ATP1A3: variants seen among roughly 807,000 people sequenced by gnomAD.
The protein encoded by ATP1A3 is sodium/potassium-transporting ATPase subunit alpha-3.
Under a neutral mutation model 108.8 loss-of-function variants are expected in ATP1A3, and 12 were observed. The observed-to-expected ratio is 0.11, with a 90% CI of 0.07 to 0.18. The LOEUF is 0.18. ATP1A3 is among the 10% of genes least tolerant of loss of function. The pLI is 1.00. For synonymous variants in ATP1A3, 539 were observed against 564.5 expected, an observed-to-expected ratio of 0.95 and a Z score of 0.64; for missense variants, 498 against 1,387.7, an observed-to-expected ratio of 0.36 and a Z score of 10.19.
At chr19:41,970,955 C>G (rs2075101414) in intron 16 of ATP1A3, among the ~76,000 whole-genome samples, 1 of 150,466 alleles carries the variant, frequency 6.6e-6, no homozygotes, top group African/African-American at 2.4e-5. Context: ...TTTCTACCCC[C>G]CAGCCCACCC....
intron 15 of ATP1A3, 114 bp from the exon 16 acceptor site, chr19:41,975,911 G>C (rs1555860946): frequency 7.1e-7 from 1 of 1,408,778 alleles, no homozygotes; most frequent in Non-Finnish European, 1.0e-6. Context: ...AGAAGTTCAG[G>C]TCCCCAACCT....
chr19:41,969,906 C>T (rs781907148), intron 18 of ATP1A3, among the ~76,000 whole-genome samples: 6 of 152,214 alleles, frequency 3.9e-5, no homozygotes, highest in Non-Finnish European at 1.5e-5. Flanking sequence ...CAGGAATGAC[C>T]TCCCTGGGCC....
Position 41,987,995 on chromosome 19 carries a change from G to A in ATP1A3, c.298C>T (p.Leu100Phe). 6.2e-7 allele frequency: 1 copy of A among 1,614,154 alleles called. No homozygotes were observed. The highest frequency in any genetic ancestry group is 8.5e-7 in the Non-Finnish European group (1 of 1,180,044). Residue 100 changes from leucine to phenylalanine, a missense_variant, in exon 4 of 23, where the codon CTC (leucine) becomes TTC (phenylalanine). Physicochemically the swap from Leu to Phe is conservative, Grantham distance 22. This residue lies in a region of ATP1A3 where 127 missense variants were observed against 464.0 expected (regional missense o/e 0.27). Coordinates refer to ENST00000648268, the MANE Select transcript of ATP1A3 (RefSeq NM_152296.5). ...TGGATACCGTAGGCCAGGAAGCAGA[G>A]GATAGCCCCGATCCACAGCAGGATG... Reference protein sequence around the residue: ...FSILLWIGAILCFLAYGIQAG... With the variant: ...FSILLWIGAIFCFLAYGIQAG...
In ATP1A3 at chr19:41,970,551, C is replaced by T. The variant is rs1762668747; in HGVS notation, c.2264-9G>A. ...GTCGAAGATCAGGCGGCCTGTGGCA[C>T]AGGCAGGCTCAGAGCAGGCGCCCAT... On this transcript the variant is annotated splice_polypyrimidine_tract_variant and intron_variant, in intron 16 of 22. Coordinates refer to ENST00000648268, the MANE Select transcript of ATP1A3 (RefSeq NM_152296.5). 1 of 1,611,792 alleles carries T rather than the reference C, an allele frequency of 6.2e-7. No individual in the cohort carries two copies. The highest frequency in any genetic ancestry group is 1.3e-5 in the African/African-American group (1 of 74,764).
In ATP1A3 at chr19:41,967,840, G is replaced by T; in HGVS notation, c.2820-77C>A. ...TGCCACCCCGCAGAGACAGGGGGAGGCACAGTGCAGACACCCAGAGACAGC... is the reference window on the plus strand; with the variant it reads ...TGCCACCCCGCAGAGACAGGGGGAGTCACAGTGCAGACACCCAGAGACAGC... On this transcript the variant is annotated intron_variant, in intron 20 of 22. Transcript: ENST00000648268. The surrounding 1 kb of genome is among the most constrained non-coding windows in gnomAD (Gnocchi z 4.2). The T allele has an allele frequency of 7.8e-7, 1 of 1,277,992 alleles. No individual in the cohort carries two copies. The highest frequency in any genetic ancestry group is 1.1e-6 in the Non-Finnish European group (1 of 889,184). 79.2% of individuals were successfully genotyped at this position (1,277,992 alleles called of 1,614,324 possible).
In ATP1A3 at chr19:41,985,377, G is replaced by C; in HGVS notation, c.653C>G (p.Ser218Cys). Residue 218 changes from serine (S) to cysteine (C), a missense_variant, in exon 7 of 23, where the codon TCT becomes TGT. Physicochemically the swap from Ser to Cys is moderately radical, Grantham distance 112. Around this residue, in one of 9 missense-constraint regions of ATP1A3, gnomAD observed 127 missense variants for 464.0 expected, o/e 0.27. Coordinates refer to ENST00000648268, the MANE Select transcript of ATP1A3 (RefSeq NM_152296.5). The surrounding 1 kb of genome is among the most constrained non-coding windows in gnomAD (Gnocchi z 8.2). Reference protein sequence around the residue: ...LTGESEPQTRSPDCTHDNPLE... With the variant: ...LTGESEPQTRCPDCTHDNPLE... Reference sequence around the variant, plus strand: ...GGGGTTGTCGTGAGTGCAGTCGGGAGAGCGAGTCTGGGGCTCGGATTCGCC... The same window carrying C: ...GGGGTTGTCGTGAGTGCAGTCGGGACAGCGAGTCTGGGGCTCGGATTCGCC... 6.2e-7 allele frequency: 1 copy of C among 1,614,112 alleles called. No homozygotes were observed. The highest frequency in any genetic ancestry group is 8.5e-7 in the Non-Finnish European group (1 of 1,179,974).
At chr19:41,993,580 GAGAAAGA>G in intron 1 of ATP1A3, 1 of 1,145,682 alleles carries the variant, frequency 8.7e-7, no homozygotes, top group Non-Finnish European at 1.2e-6. Context: ...GGCCTGGAAG[GAGAAAGA>G]GAGGTCATCT....
chr19:41,985,787 G>T lies in ATP1A3; in HGVS notation c.606+77C>A. 1 of 1,591,770 alleles carries T rather than the reference G, an allele frequency of 6.3e-7. No individual in the cohort carries two copies. Among genetic ancestry groups the T allele is most frequent in the Non-Finnish European group, 8.5e-7 (1 of 1,170,182 alleles). The stretch of plus-strand genomic sequence containing the variant: ...GGGGTTGGGACCTGGACTCCTGAGT[G>T]TGAGGGAGGAGGGGCTGGGCCTGAG... On this transcript the variant is annotated intron_variant, in intron 6 of 22. Transcript: ENST00000648268. This position sits in a 1 kb window ranked among gnomAD's most constrained non-coding sequence, Gnocchi z 8.2.
intron 8 of ATP1A3, 53 bp from the exon 9 acceptor site, chr19:41,982,159 T>A: frequency 6.2e-7 from 1 of 1,612,638 alleles, no homozygotes; most frequent in Non-Finnish European, 8.5e-7. Flanking sequence ...GGCAGCAGGG[T>A]TGGATGAGCG....
Position 41,988,628 on chromosome 19 carries a change from G to C in ATP1A3, c.7-66C>G. 6.2e-7 allele frequency: 1 copy of C among 1,612,844 alleles called. No individual in the cohort carries two copies. Among genetic ancestry groups the C allele is most frequent in the Non-Finnish European group, 8.5e-7 (1 of 1,179,788 alleles). ...TGCGGGCGAGAAGGGGTTCCAGGAGGACACCGGCCCTCCATGCCCCAGCTA... is the reference window on the plus strand; with the variant it reads ...TGCGGGCGAGAAGGGGTTCCAGGAGCACACCGGCCCTCCATGCCCCAGCTA... On this transcript the variant is annotated intron_variant, in intron 1 of 22. Coordinates refer to ENST00000648268, the MANE Select transcript of ATP1A3 (RefSeq NM_152296.5). The surrounding 1 kb of genome is among the most constrained non-coding windows in gnomAD (Gnocchi z 5.3).
rs1458106687 is a variant in ATP1A3, at chr19:41,978,956, CTCTG to C, written c.1438-162_1438-159del. On this transcript the variant is annotated intron_variant, in intron 11 of 22. Coordinates refer to ENST00000648268, the MANE Select transcript of ATP1A3 (RefSeq NM_152296.5). This position sits in a 1 kb window ranked among gnomAD's most constrained non-coding sequence, Gnocchi z 8.3. ...AGAGACCTCTGCTCATTCCTGTCCGCTCTGTCTATGTCATGGATATATATTTCTT... is the reference window on the plus strand; with the variant it reads ...AGAGACCTCTGCTCATTCCTGTCCGCTCTATGTCATGGATATATATTTCTT... Among the ~76,000 whole-genome samples, 8 of 152,150 alleles carry C rather than the reference CTCTG, an allele frequency of 5.3e-5. No homozygotes were observed. The highest frequency in any genetic ancestry group is 9.7e-5 in the African/African-American group (4 of 41,450).
Position 41,986,013 on chromosome 19 carries a change from A to C in ATP1A3, c.472-15T>G, listed in dbSNP as rs573455611. The C allele has an allele frequency of 2.8e-5, 46 of 1,614,054 alleles. No individual in the cohort carries two copies. In the South Asian group the frequency reaches 5.1e-4, roughly 18 times the overall value. The stretch of plus-strand genomic sequence containing the variant: ...ACCAGGGCTTGCTGAGGTGGGATGG[A>C]GTAATGTCACCTCCCAGACTCCCTC... On this transcript the variant is annotated splice_polypyrimidine_tract_variant and intron_variant, in intron 5 of 22. Transcript: ENST00000648268.
In ATP1A3 at chr19:41,994,208, G is replaced by T. The variant is rs969552774; in HGVS notation, c.-132C>A. On this transcript the variant is annotated 5_prime_UTR_variant, in exon 1 of 23. Coordinates refer to ENST00000648268, the MANE Select transcript of ATP1A3 (RefSeq NM_152296.5). ...GGTGCGCGCGTCCGTCCGTCCGTCC[G>T]TTGGTCCCACCGCACAGAGGCTGCG... 2 of 854,620 alleles carry T rather than the reference G, an allele frequency of 2.3e-6. No homozygotes were observed. The highest frequency in any genetic ancestry group is 1.8e-5 in the African/African-American group (1 of 55,390). 52.9% of individuals were successfully genotyped at this position (854,620 alleles called of 1,614,324 possible).
intron 14 of ATP1A3, among the ~76,000 whole-genome samples, chr19:41,977,053 C>T: frequency 6.6e-6 from 1 of 151,526 alleles, no homozygotes; most frequent in African/African-American, 2.4e-5. Context: ...AGTGATCCAC[C>T]CACCTCGGCC....
At chr19:41,970,875 G>A (rs1257749439) in intron 16 of ATP1A3, among the ~76,000 whole-genome samples, 1 of 151,632 alleles carries the variant, frequency 6.6e-6, no homozygotes, top group Non-Finnish European at 1.5e-5. Flanking sequence ...CTCGTGATCT[G>A]CCCTCCTCGG....
Position 41,978,222 on chromosome 19 carries a change from T to C in ATP1A3, c.1735A>G (p.Met579Val). The stretch of plus-strand genomic sequence containing the variant: ...GCCCGGGGTGGGTCGATCATGGACA[T>C]GAGGCCCACAAAGCAGAGGTTGTCC... ...TTDNLCFVGL[M>V]SMIDPPRAAV... Residue 579 changes from methionine (M) to valine (V), a missense_variant, in exon 13 of 23, where the codon ATG (methionine) becomes GTG (valine). Around this residue, in one of 9 missense-constraint regions of ATP1A3, gnomAD observed 31 missense variants for 132.5 expected, o/e 0.23. Coordinates refer to ENST00000648268, the MANE Select transcript of ATP1A3 (RefSeq NM_152296.5). This position sits in a 1 kb window ranked among gnomAD's most constrained non-coding sequence, Gnocchi z 8.3. 1.2e-6 allele frequency: 2 copies of C among 1,614,182 alleles called. No individual in the cohort carries two copies. The highest frequency in any genetic ancestry group is 1.7e-6 in the Non-Finnish European group (2 of 1,180,024).
intron 8 of ATP1A3, 61 bp from the exon 9 acceptor site, chr19:41,982,167 G>C: frequency 1.2e-6 from 2 of 1,612,290 alleles, no homozygotes; most frequent in Admixed American, 3.3e-5. Flanking sequence ...GGTTGGATGA[G>C]CGACACGAGG....
intron 8 of ATP1A3, among the ~76,000 whole-genome samples, chr19:41,983,956 G>C (rs1467139956): frequency 6.6e-6 from 1 of 151,124 alleles, no homozygotes; most frequent in Non-Finnish European, 1.5e-5. Flanking sequence ...TATACTTTTA[G>C]TAGAGATGGG....
rs201446077 is a variant in ATP1A3 at position 41,981,936 on chromosome 19, G to A, written c.1164C>T (p.His388=). 67 of 1,614,232 alleles carry A rather than the reference G, an allele frequency of 4.2e-5. No homozygotes were observed. Among genetic ancestry groups the A allele is most frequent in the East Asian group, 6.7e-5 (3 of 44,884 alleles). The part of the protein sequence containing the change: ...VAHMWFDNQI[H]EADTTEDQSG... ...ACTGGTCCTCAGTGGTGTCAGCCTC[G>A]TGGATCTGGTTGTCAAACCACATGT... Residue 388 remains histidine (H), a synonymous_variant, in exon 9 of 23, where the codon CAC becomes CAT. Coordinates refer to ENST00000648268, the MANE Select transcript of ATP1A3 (RefSeq NM_152296.5). The surrounding 1 kb of genome is among the most constrained non-coding windows in gnomAD (Gnocchi z 5.0).
Sources: gnomAD v4.1 joint callset for allele counts (sites outside exome capture counted in the v4.1 genomes callset) on GRCh38, gnomAD v4.1.1 for gene constraint, gnomAD v4.1.1 regional missense constraint, Gnocchi (gnomAD v3.1) non-coding constraint, MANE v1.5 for transcripts, NCBI Gene and HGNC (gene_info 2026-07-23, HGNC 2026-07-21) for gene names.